The following DNAJC11 variants were observed in gnomAD, a reference collection of about 807,000 sequenced individuals.
DNAJC11 encodes DnaJ heat shock protein family (Hsp40) member C11.
Under a neutral mutation model 78.6 loss-of-function variants are expected in DNAJC11, and 15 were observed. That is an observed-to-expected ratio of 0.19 (90% CI 0.13 to 0.29). The LOEUF is 0.29. DNAJC11 is among the 10% of genes least tolerant of loss of function. DNAJC11 has a pLI of 1.00. For missense variants in DNAJC11, 547 were observed against 709.6 expected, an observed-to-expected ratio of 0.77 and a Z score of 2.60; for synonymous variants, 292 against 272.1, an observed-to-expected ratio of 1.07 and a Z score of -0.72.
At chr1:6,642,163 G>A (rs1641887663) in intron 10 of DNAJC11, among the ~76,000 whole-genome samples, 1 of 152,184 alleles carries the variant, frequency 6.6e-6, no homozygotes. Context: ...TTGGGGTAGA[G>A]AGGAGTACTA....
intron 4 of DNAJC11, among the ~76,000 whole-genome samples, chr1:6,666,372 T>C (rs1642293688): frequency 1.4e-5 from 2 of 138,064 alleles, no homozygotes; most frequent in African/African-American, 5.4e-5. Flanking sequence ...CATTTGTTTT[T>C]TTTCTTTCTT....
At chr1:6,674,949 T>C (rs1014518603) in intron 3 of DNAJC11, among the ~76,000 whole-genome samples, 1 of 152,172 alleles carries the variant, frequency 6.6e-6, no homozygotes, top group African/African-American at 2.4e-5. Context: ...GGTAAATGGA[T>C]ACCCTTCAGC....
At chr1:6,693,093 A>T (rs1254313640) in intron 1 of DNAJC11, among the ~76,000 whole-genome samples, 1 of 150,210 alleles carries the variant, frequency 6.7e-6, no homozygotes, top group African/African-American at 2.5e-5. Context: ...TCGTATTTTT[A>T]GTACAGACAG....
chr1:6,689,210 A>G (rs1015980499), intron 1 of DNAJC11, among the ~76,000 whole-genome samples: 1 of 152,226 alleles, frequency 6.6e-6, no homozygotes, highest in African/African-American at 2.4e-5. Context: ...AAACAAAACC[A>G]GAGAGAGCTA....
At chr1:6,657,598 A>G (rs1394244876) in intron 4 of DNAJC11, among the ~76,000 whole-genome samples, 2 of 152,250 alleles carry the variant, frequency 1.3e-5, no homozygotes, top group Non-Finnish European at 2.9e-5. Context: ...CTGGAGATAG[A>G]CAGGGTTGGT....
rs200772219 is a variant in DNAJC11 at position 6,653,870 on chromosome 1, C to T, written c.507+41G>A. 8.3e-5 allele frequency: 133 copies of T among 1,604,602 alleles called. No homozygotes were observed. In the Admixed American group the frequency reaches 1.7e-3, roughly 21 times the overall value. On this transcript the variant is annotated intron_variant, in intron 5 of 15. Transcript: ENST00000377577. This position sits in a 1 kb window ranked among gnomAD's most constrained non-coding sequence, Gnocchi z 4.5. ...CTTGGTGTGCTGTGCCTCATTAACTCGAGCCCTTGCTGTACTCGGAGAGGT... is the reference window on the plus strand; with the variant it reads ...CTTGGTGTGCTGTGCCTCATTAACTTGAGCCCTTGCTGTACTCGGAGAGGT...
chr1:6,656,448 G>T (rs183982760), intron 4 of DNAJC11, among the ~76,000 whole-genome samples: 6 of 152,116 alleles, frequency 3.9e-5, no homozygotes, highest in African/African-American at 1.4e-4. Flanking sequence ...AAACTGTTGT[G>T]AATAAAGTTA....
At chr1:6,699,033 T>A (rs530048544) in intron 1 of DNAJC11, among the ~76,000 whole-genome samples, 44 of 149,370 alleles carry the variant, frequency 2.9e-4, no homozygotes, top group African/African-American at 1.1e-3. Context: ...TGGCCAGGCA[T>A]GGTGGTTCAT....
At chr1:6,697,737 G>A (rs1241853966) in intron 1 of DNAJC11, among the ~76,000 whole-genome samples, 3 of 152,170 alleles carry the variant, frequency 2.0e-5, no homozygotes, top group Non-Finnish European at 4.4e-5. Flanking sequence ...TTAAATCCTG[G>A]AGAGGGAGAT....
chr1:6,695,030 C>T (rs1485467786), intron 1 of DNAJC11, among the ~76,000 whole-genome samples: 3 of 150,346 alleles, frequency 2.0e-5, no homozygotes, highest in Non-Finnish European at 4.4e-5. Context: ...CCTGTAGTCC[C>T]GGCTACTCGG....
chr1:6,643,013 T>C (rs1641901261), intron 10 of DNAJC11, among the ~76,000 whole-genome samples: 1 of 151,922 alleles, frequency 6.6e-6, no homozygotes, highest in Admixed American at 6.6e-5. Flanking sequence ...ACAGCAGCCA[T>C]CTGGTACGGA....
intron 3 of DNAJC11, among the ~76,000 whole-genome samples, chr1:6,669,117 G>A (rs2148741891): frequency 6.6e-6 from 1 of 151,344 alleles, no homozygotes; most frequent in South Asian, 2.1e-4. Flanking sequence ...AACCCAGGAG[G>A]TGAAGGTTGC....
Position 6,651,614 on chromosome 1 carries a change from G to C in DNAJC11, c.631-12C>G. 6.2e-7 allele frequency: 1 copy of C among 1,612,054 alleles called. No homozygotes were observed. The highest frequency in any genetic ancestry group is 1.3e-5 in the African/African-American group (1 of 74,962). Reference sequence around the variant, plus strand: ...GCTCCAAATTCCAACTGTTTGAAAAGGAAAAAGAGAAGGCATTAATGGTGT... The same window carrying C: ...GCTCCAAATTCCAACTGTTTGAAAACGAAAAAGAGAAGGCATTAATGGTGT... On this transcript the variant is annotated splice_polypyrimidine_tract_variant and intron_variant, in intron 6 of 15. Coordinates refer to ENST00000377577, the MANE Select transcript of DNAJC11 (RefSeq NM_018198.4).
At chr1:6,673,472 T>C (rs1642412687) in intron 3 of DNAJC11, among the ~76,000 whole-genome samples, 1 of 152,184 alleles carries the variant, frequency 6.6e-6, no homozygotes, top group Admixed American at 6.5e-5. Context: ...TTAAGCGACA[T>C]CATTTGAAAA....
In DNAJC11 at chr1:6,680,994, A is replaced by G. The variant is rs779849644; in HGVS notation, c.116T>C (p.Met39Thr). Residue 39 changes from methionine (M) to threonine (T), a missense_variant, in exon 2 of 16, where the codon ATG becomes ACG. Physicochemically the swap from Met to Thr is moderately conservative, Grantham distance 81. Coordinates refer to ENST00000377577, the MANE Select transcript of DNAJC11 (RefSeq NM_018198.4). The surrounding 1 kb of genome is among the most constrained non-coding windows in gnomAD (Gnocchi z 4.0). Reference sequence around the variant, plus strand: ...TCTGTGCTTGTCTGGATGGTAGAGCATACAGAGCCTCCGGTAGGCAGCTTT... The same window carrying G: ...TCTGTGCTTGTCTGGATGGTAGAGCGTACAGAGCCTCCGGTAGGCAGCTTT... ...ELKAAYRRLC[M>T]LYHPDKHRDP... is the part of the protein sequence containing the mutation. 1.9e-6 allele frequency: 3 copies of G among 1,614,094 alleles called. No homozygotes were observed. Among genetic ancestry groups the G allele is most frequent in the Non-Finnish European group, 1.7e-6 (2 of 1,179,962 alleles).
chr1:6,656,493 A>T (rs1434956441), intron 4 of DNAJC11, among the ~76,000 whole-genome samples: 1 of 152,156 alleles, frequency 6.6e-6, no homozygotes, highest in African/African-American at 2.4e-5. Context: ...TTGGGCCAAG[A>T]TATTTTTATG....
At chr1:6,674,969 G>GT (rs1375492488) in intron 3 of DNAJC11, among the ~76,000 whole-genome samples, 2 of 152,172 alleles carry the variant, frequency 1.3e-5, no homozygotes, top group Non-Finnish European at 2.9e-5. Context: ...CAACTGAAGA[G>GT]TTTAACAGTC....
chr1:6,680,916 G>A lies in DNAJC11; in HGVS notation c.194C>T (p.Ala65Val), dbSNP rs575182970. 5.3e-5 allele frequency: 85 copies of A among 1,613,922 alleles called. No individual in the cohort carries two copies. The South Asian group carries it at 8.8e-4, about 17-fold the overall frequency. ...TCCGGCCCTCCACTGACCTTCATAAGCCTGGTGAACAAGGTTAAACAGTCG... is the reference window on the plus strand; with the variant it reads ...TCCGGCCCTCCACTGACCTTCATAAACCTGGTGAACAAGGTTAAACAGTCG... Reference protein sequence around the residue: ...AERLFNLVHQAYEVLSDPQTR... With the variant: ...AERLFNLVHQVYEVLSDPQTR... Residue 65 changes from alanine to valine, a missense_variant, in exon 2 of 16, where the codon GCT becomes GTT. Ala to Val is a moderately conservative substitution (Grantham distance 64, BLOSUM62 0). Transcript: ENST00000377577. The surrounding 1 kb of genome is among the most constrained non-coding windows in gnomAD (Gnocchi z 4.0).
rs554613805 is a variant in DNAJC11, at chr1:6,677,441, C to T, written c.276+953G>A. The stretch of plus-strand genomic sequence containing the variant: ...CTGAATAGCTGGGAATACAGGTGTG[C>T]GCCACCAAGCCCGACTAATTTTTAA... On this transcript the variant is annotated intron_variant, in intron 3 of 15. Coordinates refer to ENST00000377577, the MANE Select transcript of DNAJC11 (RefSeq NM_018198.4). Among the ~76,000 whole-genome samples, 40 of 151,926 alleles carry T rather than the reference C, an allele frequency of 2.6e-4. No homozygotes were observed. In the South Asian group the frequency reaches 4.4e-3, roughly 17 times the overall value.
Sources: allele counts gnomAD v4.1 joint callset (sites outside exome capture counted in the v4.1 genomes callset), GRCh38; gene constraint gnomAD v4.1.1; non-coding constraint Gnocchi (gnomAD v3.1); transcripts MANE v1.5; gene names NCBI Gene and HGNC (gene_info 2026-07-23, HGNC 2026-07-21).